RIMS2: variants seen among roughly 807,000 people sequenced by gnomAD.
The protein encoded by RIMS2 is regulating synaptic membrane exocytosis protein 2.
Under a neutral mutation model 174.4 loss-of-function variants are expected in RIMS2, and 59 were observed. That is an observed-to-expected ratio of 0.34 (90% CI 0.27 to 0.42). The LOEUF is 0.42. RIMS2 is among the 10% of genes least tolerant of loss of function. The pLI is 1.00. For synonymous variants in RIMS2, 606 were observed against 572.5 expected (o/e 1.06, Z -0.84); for missense variants, 1,620 against 1,666.3 (o/e 0.97, Z 0.48).
At chr8:103,767,566 C>A (rs2098190849) in intron 3 of RIMS2, among the ~76,000 whole-genome samples, 1 of 152,174 alleles carries the variant, frequency 6.6e-6, no homozygotes, top group African/African-American at 2.4e-5. Context: ...CCAGAAGTAG[C>A]AGATACATTT....
chr8:103,826,415 A>G (rs1260501177), intron 3 of RIMS2, among the ~76,000 whole-genome samples: 1 of 151,676 alleles, frequency 6.6e-6, no homozygotes, highest in South Asian at 2.1e-4. Context: ...AGTGTGAGGT[A>G]GGGGTCAAGA....
intron 19 of RIMS2, among the ~76,000 whole-genome samples, chr8:104,178,445 G>A (rs74720285): frequency 6.6e-6 from 1 of 151,866 alleles, no homozygotes; most frequent in Non-Finnish European, 1.5e-5. Flanking sequence ...CTTGTCTCCC[G>A]TTTGTTTCTT....
intron 19 of RIMS2, among the ~76,000 whole-genome samples, chr8:104,168,039 G>A (rs1025729896): frequency 1.3e-5 from 2 of 151,962 alleles, no homozygotes; most frequent in African/African-American, 2.4e-5. Context: ...CTATTTTTAT[G>A]CCAGTAACAT....
chr8:103,953,143 T>G (rs141578560), intron 14 of RIMS2, among the ~76,000 whole-genome samples: 19 of 152,326 alleles, frequency 1.2e-4, no homozygotes, highest in Admixed American at 3.3e-4. Context: ...TACCTGAAAG[T>G]GACGGGAGAA....
chr8:103,772,051 T>C (rs2098259423), intron 3 of RIMS2, among the ~76,000 whole-genome samples: 1 of 152,090 alleles, frequency 6.6e-6, no homozygotes, highest in African/African-American at 2.4e-5. Context: ...ATCTAGTACT[T>C]ATGACTTTCC....
At chr8:103,604,253 A>C (rs367959235) in intron 1 of RIMS2, among the ~76,000 whole-genome samples, 6 of 148,768 alleles carry the variant, frequency 4.0e-5, no homozygotes, top group Non-Finnish European at 3.0e-5. Context: ...TATTAAATAG[A>C]GAATCCTTTC....
At chr8:104,060,645 C>T (rs574158519) in intron 19 of RIMS2, among the ~76,000 whole-genome samples, 2 of 152,126 alleles carry the variant, frequency 1.3e-5, no homozygotes, top group South Asian at 4.2e-4. Flanking sequence ...TTTTCTAGTT[C>T]TTTTAATTGT....
At position 103,787,477 on chromosome 8, in the gene RIMS2, A is replaced by C. The variant is rs1295524919; in HGVS notation, c.698+20940A>C. Among the ~76,000 whole-genome samples, 6 of 148,636 alleles carry C rather than the reference A, an allele frequency of 4.0e-5. No individual in the cohort carries two copies. In the South Asian group the frequency reaches 1.1e-3, roughly 27 times the overall value. On this transcript the variant is annotated intron_variant, in intron 3 of 23. Transcript: ENST00000504942. ...TTTAGGGCAGGCCTGGTGGTGACAA[A>C]ATCTCTCAGCATTTGCTTGTCTGTA...
chr8:103,511,785 C>T (rs1050682333), intron 1 of RIMS2, among the ~76,000 whole-genome samples: 1 of 152,120 alleles, frequency 6.6e-6, no homozygotes, highest in Non-Finnish European at 1.5e-5. Context: ...GTAATTTGAA[C>T]AGGGACATTT....
intron 2 of RIMS2, among the ~76,000 whole-genome samples, chr8:103,739,400 G>A (rs2097730942): frequency 6.6e-6 from 1 of 152,080 alleles, no homozygotes; most frequent in Admixed American, 6.6e-5. Flanking sequence ...GAAGGGGGAG[G>A]GATAGCATTA....
rs377050744 is a variant in RIMS2, at chr8:104,040,083, C to A, written c.3334+25468C>A. On this transcript the variant is annotated intron_variant, in intron 19 of 23. Transcript: ENST00000504942. Reference sequence around the variant, plus strand: ...TCATCTTAGCACTAATGGACTTAATCTAATGGAATGTTTTCATTTTATCAC... The same window carrying A: ...TCATCTTAGCACTAATGGACTTAATATAATGGAATGTTTTCATTTTATCAC... 6.9e-4 allele frequency among the ~76,000 whole-genome samples: 105 copies of A among 151,670 alleles called. 1 individual carries two copies. In the East Asian group the frequency reaches 0.013, roughly 19 times the overall value.
At chr8:103,913,720 G>A (rs545296470) in intron 6 of RIMS2, among the ~76,000 whole-genome samples, 6 of 152,126 alleles carry the variant, frequency 3.9e-5, no homozygotes, top group African/African-American at 1.2e-4. Flanking sequence ...GGGAGAGTAC[G>A]CATGTCACAT....
At chr8:103,535,157 T>TG (rs1839193104) in intron 1 of RIMS2, among the ~76,000 whole-genome samples, 1 of 152,232 alleles carries the variant, frequency 6.6e-6, no homozygotes, top group Non-Finnish European at 1.5e-5. Flanking sequence ...CAGCTCTGAA[T>TG]GTCAGAACTT....
intron 1 of RIMS2, among the ~76,000 whole-genome samples, chr8:103,524,861 G>A (rs2130655750): frequency 1.3e-5 from 2 of 152,312 alleles, no homozygotes; most frequent in South Asian, 4.1e-4. Context: ...GAGACCATGG[G>A]CAATCTGCTG....
At chr8:104,005,056 G>C (rs2095523997) in intron 17 of RIMS2, among the ~76,000 whole-genome samples, 1 of 152,160 alleles carries the variant, frequency 6.6e-6, no homozygotes, top group Non-Finnish European at 1.5e-5. Flanking sequence ...GAATTGGTGG[G>C]ACTGATGCCA....
At chr8:103,657,976 T>G (rs1213619001) in intron 1 of RIMS2, among the ~76,000 whole-genome samples, 3 of 152,182 alleles carry the variant, frequency 2.0e-5, no homozygotes, top group Admixed American at 6.5e-5. Context: ...AGTTCCACCT[T>G]GAAGGATTAA....
chr8:103,576,118 T>C (rs1588099242), intron 1 of RIMS2, among the ~76,000 whole-genome samples: 1 of 152,280 alleles, frequency 6.6e-6, no homozygotes, highest in East Asian at 1.9e-4. Flanking sequence ...AGAAGGTTTG[T>C]TCCACAGGTC....
At chr8:103,998,645 A>G (rs1367978406) in intron 17 of RIMS2, among the ~76,000 whole-genome samples, 2 of 151,520 alleles carry the variant, frequency 1.3e-5, no homozygotes, top group Non-Finnish European at 3.0e-5. Context: ...TCACTTTCCC[A>G]CCTCCAGAGT....
chr8:103,890,992 A>G (rs1205946781), intron 4 of RIMS2, among the ~76,000 whole-genome samples: 1 of 151,944 alleles, frequency 6.6e-6, no homozygotes, highest in Non-Finnish European at 1.5e-5. Flanking sequence ...AGATGCCAGT[A>G]GCACCCCTAA....
Sources: gnomAD v4.1 joint callset for allele counts (sites outside exome capture counted in the v4.1 genomes callset) on GRCh38, gnomAD v4.1.1 for gene constraint, MANE v1.5 for transcripts, NCBI Gene and HGNC (gene_info 2026-07-23, HGNC 2026-07-21) for gene names.